The following GORASP2 variants were observed in gnomAD, a reference collection of about 807,000 sequenced individuals.
GORASP2 encodes golgi reassembly stacking protein 2, also known as Golgi reassembly-stacking protein 2.
In GORASP2, 22 loss-of-function variants were observed where a neutral mutation model predicts 45.7. The ratio of observed to expected loss-of-function variants is 0.48; its 90% CI spans 0.34 to 0.69. The LOEUF is 0.69. Ranked by LOEUF, GORASP2 falls within the 30% of genes least tolerant of loss-of-function variation. GORASP2 has a pLI of 0.01. For synonymous variants in GORASP2, 221 were observed against 215.6 expected (o/e 1.02, Z -0.22); for missense variants, 491 against 562.7 (o/e 0.87, Z 1.29).
At position 170,956,460 on chromosome 2, in the gene GORASP2, C is replaced by T; in HGVS notation, c.724C>T (p.Pro242Ser). 6.2e-7 allele frequency: 1 copy of T among 1,612,778 alleles called. No homozygotes were observed. Residue 242 changes from proline to serine, a missense_variant, in exon 7 of 10, where the codon CCG (proline) becomes TCG (serine). This residue lies in a region of GORASP2 where 297 missense variants were observed against 292.3 expected (regional missense o/e 1.02). Coordinates refer to ENST00000234160, the MANE Select transcript of GORASP2 (RefSeq NM_015530.5). ...GGTCCAGCTGTCCTCAGTTAATCCC[C>T]CGTCTTTGTCACCACCAGGAACTAC... The part of the protein sequence containing the change: ...TEVQLSSVNP[P>S]SLSPPGTTGI...
Position 170,962,944 on chromosome 2 carries a change from C to T in GORASP2, c.1016C>T (p.Pro339Leu). 13 of 1,604,876 alleles carry T rather than the reference C, an allele frequency of 8.1e-6. No homozygotes were observed. Among genetic ancestry groups the T allele is most frequent in the East Asian group, 2.2e-5 (1 of 44,844 alleles). Residue 339 changes from proline to leucine, a missense_variant and splice_region_variant, in exon 9 of 10, where the codon CCA becomes CTA. Physicochemically the swap from Pro to Leu is moderately conservative, Grantham distance 98. Around this residue, in one of 2 missense-constraint regions of GORASP2, gnomAD observed 297 missense variants for 292.3 expected, o/e 1.02. Transcript: ENST00000234160. ...GTTGGCTTACCAGAACTTGTAAACCCAGGTATGTTGCAGATCTCACCCTCC... is the reference window on the plus strand; with the variant it reads ...GTTGGCTTACCAGAACTTGTAAACCTAGGTATGTTGCAGATCTCACCCTCC... The part of the protein sequence containing the change: ...PGVGLPELVN[P>L]GLPPLPSMPP...
intron 7 of GORASP2, among the ~76,000 whole-genome samples, chr2:170,961,419 G>A (rs546969529): frequency 6.6e-6 from 1 of 152,150 alleles, no homozygotes; most frequent in African/African-American, 2.4e-5. Context: ...GCTGGGCTGG[G>A]GTGGGACTGC....
chr2:170,932,728 C>A (rs1344546413), intron 1 of GORASP2, among the ~76,000 whole-genome samples: 1 of 152,228 alleles, frequency 6.6e-6, no homozygotes, highest in Admixed American at 6.5e-5. Flanking sequence ...TGAAGTATTT[C>A]TCTTAGTCTC....
At chr2:170,956,054 T>C (rs1704419355) in intron 6 of GORASP2, among the ~76,000 whole-genome samples, 1 of 152,190 alleles carries the variant, frequency 6.6e-6, no homozygotes, top group Non-Finnish European at 1.5e-5. Context: ...GCAATGAAAG[T>C]TAAAACAAAT....
intron 1 of GORASP2, chr2:170,936,801 T>G (rs927719661): frequency 4.8e-6 from 2 of 418,926 alleles, no homozygotes; most frequent in East Asian, 1.5e-4. Context: ...AAAGCAAAAT[T>G]GTCACTTGAC....
At chr2:170,963,355 A>G (rs13011011) in intron 9 of GORASP2, among the ~76,000 whole-genome samples, 29,940 of 147,754 alleles carry the variant, frequency 0.2, 3,746 homozygotes, top group Non-Finnish European at 0.28. Context: ...AGCCTGGGCA[A>G]CAGAGCAAGA....
intron 5 of GORASP2, among the ~76,000 whole-genome samples, chr2:170,952,332 T>C (rs1375795921): frequency 1.3e-5 from 2 of 152,252 alleles, no homozygotes; most frequent in Non-Finnish European, 2.9e-5. Context: ...TTTTTTCTTT[T>C]GATGTGTTTA....
intron 8 of GORASP2, among the ~76,000 whole-genome samples, chr2:170,962,140 C>G (rs1286885991): frequency 6.6e-6 from 1 of 152,252 alleles, no homozygotes; most frequent in African/African-American, 2.4e-5. Context: ...ATTTGGTCTT[C>G]AGTAGCTCTA....
intron 9 of GORASP2, among the ~76,000 whole-genome samples, chr2:170,963,781 T>C (rs1662864511): frequency 6.6e-6 from 1 of 152,070 alleles, no homozygotes; most frequent in South Asian, 2.1e-4. Context: ...TAGCTGGGAC[T>C]ACATGCACAT....
At chr2:170,955,071 G>A (rs1704393314) in intron 6 of GORASP2, among the ~76,000 whole-genome samples, 1 of 152,138 alleles carries the variant, frequency 6.6e-6, no homozygotes, top group Non-Finnish European at 1.5e-5. Context: ...TAGGGATTGG[G>A]TCTGGGTGGG....
At chr2:170,954,401 G>T (rs1283378653) in intron 5 of GORASP2, 3 of 419,454 alleles carry the variant, frequency 7.2e-6, no homozygotes, top group African/African-American at 6.1e-5. Flanking sequence ...AAGGAGTAAG[G>T]GTGATATCCA....
At chr2:170,936,043 C>G (rs956133468) in intron 1 of GORASP2, among the ~76,000 whole-genome samples, 1 of 152,068 alleles carries the variant, frequency 6.6e-6, no homozygotes, top group Non-Finnish European at 1.5e-5. Context: ...ACTAACAGGG[C>G]TTTTTAATAA....
At chr2:170,949,765 T>TACTGGAGGTTC (rs1169300883) in intron 3 of GORASP2, 23 bp downstream of exon 3, 1 of 1,485,748 alleles carries the variant, frequency 6.7e-7, no homozygotes. Context: ...TGTGAACTGT[T>TACTGGAGGTTC]ACTGGAGGTT....
rs1402364661 is a variant in GORASP2 at position 170,966,338 on chromosome 2, T to C, written c.*208T>C. ...GCTAGGGTGAGATGTCAGAAAGCGC[T>C]TGTATTTTAAACAACCAAAAAGAAT... On this transcript the variant is annotated 3_prime_UTR_variant, in exon 10 of 10. Coordinates refer to ENST00000234160, the MANE Select transcript of GORASP2 (RefSeq NM_015530.5). 3.4e-6 allele frequency: 2 copies of C among 581,406 alleles called. No homozygotes were observed. The highest frequency in any genetic ancestry group is 6.1e-6 in the Non-Finnish European group (2 of 327,202). The allele number at this position is 581,406 out of a possible 1,614,324, so 36.0% of individuals were successfully genotyped here. A position where few individuals can be genotyped will look rare whatever the true frequency, so the allele number is the denominator to read the frequency against.
At chr2:170,965,576 A>C (rs937752289) in intron 9 of GORASP2, among the ~76,000 whole-genome samples, 1 of 152,206 alleles carries the variant, frequency 6.6e-6, no homozygotes, top group Non-Finnish European at 1.5e-5. Flanking sequence ...CATGGAGCCT[A>C]GAAGTTGAGA....
In GORASP2 at chr2:170,965,961, C is replaced by T. The variant is rs1056579678; in HGVS notation, c.1190C>T (p.Pro397Leu). The change falls in exon 10 of 10, where the codon CCT becomes CTT. Residue 397 changes from proline (P) to leucine (L), a missense_variant. Pro to Leu is a moderately conservative substitution (Grantham distance 98). Transcript: ENST00000234160. ...LPPTSNAPSD[P>L]ATTTAKADAA... Reference sequence around the variant, plus strand: ...CCCACCAGCAACGCACCCTCCGACCCTGCCACAACTACTGCAAAGGCAGAC... The same window carrying T: ...CCCACCAGCAACGCACCCTCCGACCTTGCCACAACTACTGCAAAGGCAGAC... 2.5e-6 allele frequency: 4 copies of T among 1,614,066 alleles called. No homozygotes were observed. The Admixed American group carries it at 6.7e-5, about 27-fold the overall frequency.
chr2:170,940,918 C>T (rs1704061809), intron 1 of GORASP2, among the ~76,000 whole-genome samples: 1 of 152,116 alleles, frequency 6.6e-6, no homozygotes, highest in Admixed American at 6.5e-5. Context: ...AGTTGAATGA[C>T]ACCACTTTAG....
rs1000637860 is a variant in GORASP2, at chr2:170,948,510, G to A, written c.144+80G>A. ...GAATTTTTCAGATGACCTGAGATGG[G>A]TATTTATTAGTTACAATCATTATGT... On this transcript the variant is annotated intron_variant, in intron 2 of 9. Transcript: ENST00000234160. 25 of 717,790 alleles carry A rather than the reference G, an allele frequency of 3.5e-5. No individual in the cohort carries two copies. The African/African-American group carries it at 4.1e-4, about 12-fold the overall frequency. The allele number at this position is 717,790 out of a possible 1,614,324, so 44.5% of individuals were successfully genotyped here.
intron 5 of GORASP2, 109 bp downstream of exon 5, chr2:170,951,567 C>A: frequency 3.4e-6 from 3 of 891,498 alleles, no homozygotes; most frequent in Admixed American, 3.1e-5. Context: ...TATTTTAAGA[C>A]TCCTCTTAAA....
Sources: gnomAD v4.1 joint callset for allele counts (sites outside exome capture counted in the v4.1 genomes callset) on GRCh38, gnomAD v4.1.1 for gene constraint, gnomAD v4.1.1 regional missense constraint, MANE v1.5 for transcripts, NCBI Gene and HGNC (gene_info 2026-07-23, HGNC 2026-07-21) for gene names.